DMTF1: variants seen among roughly 807,000 people sequenced by gnomAD.
DMTF1 encodes cyclin-D-binding Myb-like transcription factor 1.
DMTF1 carries 39 observed loss-of-function variants against 91.1 expected under a neutral mutation model. The observed-to-expected ratio is 0.43, with a 90% CI of 0.33 to 0.56. DMTF1 has a LOEUF of 0.56. Ranked by LOEUF, DMTF1 falls within the 20% of genes least tolerant of loss-of-function variation. DMTF1 has a pLI of 0.05. For synonymous variants in DMTF1, 338 were observed against 309.5 expected (o/e 1.09, Z -0.97); for missense variants, 750 against 914.5 (o/e 0.82, Z 2.32).
chr7:87,153,627 C>T (rs142592696), intron 1 of DMTF1, among the ~76,000 whole-genome samples: 25 of 152,214 alleles, frequency 1.6e-4, no homozygotes, highest in African/African-American at 4.3e-4. Context: ...TCTTTGTGTA[C>T]CTCTTTTTAA....
At chr7:87,161,562 A>C (rs1427164225) in intron 1 of DMTF1, among the ~76,000 whole-genome samples, 4 of 152,194 alleles carry the variant, frequency 2.6e-5, no homozygotes, top group Non-Finnish European at 5.9e-5. Flanking sequence ...CAGTACCTGC[A>C]TATAGTAGAG....
In DMTF1 at chr7:87,184,308, T is replaced by G; in HGVS notation, c.821-89T>G. 4.1e-6 allele frequency: 5 copies of G among 1,216,502 alleles called. 1 individual carries two copies. In the South Asian group the frequency reaches 6.9e-5, roughly 17 times the overall value. The allele number at this position is 1,216,502 out of a possible 1,614,324, so 75.4% of individuals were successfully genotyped here. A position where few individuals can be genotyped will look rare whatever the true frequency, so the allele number is the denominator to read the frequency against. On this transcript the variant is annotated intron_variant, in intron 10 of 17. Coordinates refer to ENST00000331242, the MANE Select transcript of DMTF1 (RefSeq NM_001142327.2). Reference sequence around the variant, plus strand: ...GAAACAAACTCTTAGTACTATTGCTTACTTCCTATCAGTCCTTGTAAATAG... The same window carrying G: ...GAAACAAACTCTTAGTACTATTGCTGACTTCCTATCAGTCCTTGTAAATAG...
chr7:87,195,599 A>ACT lies in DMTF1; in HGVS notation c.*460_*461dup, dbSNP rs1479148650. 6.5e-6 allele frequency: 1 copy of ACT among 153,696 alleles called. No homozygotes were observed. Among genetic ancestry groups the ACT allele is most frequent in the East Asian group, 1.9e-4 (1 of 5,214 alleles). The allele number at this position is 153,696 out of a possible 1,614,324, so 9.5% of individuals were successfully genotyped here. ...CAGTGATCTTCTGATCTTCAAGAAG[A>ACT]CTAAGTTTGAGACTTGACCAGCATA... On this transcript the variant is annotated 3_prime_UTR_variant, in exon 18 of 18. Coordinates refer to ENST00000331242, the MANE Select transcript of DMTF1 (RefSeq NM_001142327.2).
At chr7:87,181,459 A>G in intron 9 of DMTF1, 118 bp downstream of exon 9, 3 of 515,004 alleles carry the variant, frequency 5.8e-6, no homozygotes, top group Admixed American at 3.3e-5. Context: ...TTGTGCTATT[A>G]AGCATGATTG....
intron 1 of DMTF1, chr7:87,154,421 G>A (rs1790143312): frequency 6.6e-6 from 1 of 152,408 alleles, no homozygotes; most frequent in Non-Finnish European, 1.5e-5. Flanking sequence ...ATGCTTTTGG[G>A]GACTGATTTA....
intron 1 of DMTF1, among the ~76,000 whole-genome samples, chr7:87,159,762 A>T (rs1791762273): frequency 2.0e-5 from 3 of 152,252 alleles, no homozygotes; most frequent in African/African-American, 7.2e-5. Flanking sequence ...TGTGAGCATC[A>T]TAGAAAATAC....
At chr7:87,174,708 T>C in intron 7 of DMTF1, 39 bp downstream of exon 7, 1 of 1,445,308 alleles carries the variant, frequency 6.9e-7, no homozygotes, top group Non-Finnish European at 9.7e-7. Context: ...CCAATTTGTT[T>C]ATTGCCAATT....
At chr7:87,163,889 G>A (rs958748952) in intron 2 of DMTF1, among the ~76,000 whole-genome samples, 3 of 151,780 alleles carry the variant, frequency 2.0e-5, no homozygotes, top group African/African-American at 4.8e-5. Flanking sequence ...GTGTATAGGA[G>A]CCAGAGAGAG....
chr7:87,184,063 A>G (rs1797922845), intron 10 of DMTF1, among the ~76,000 whole-genome samples: 1 of 152,210 alleles, frequency 6.6e-6, no homozygotes, highest in Non-Finnish European at 1.5e-5. Flanking sequence ...TCTGTCAGCC[A>G]TTGACGAAGC....
At chr7:87,194,403 TTG>T (rs1470453683) in intron 16 of DMTF1, 3 of 481,158 alleles carry the variant, frequency 6.2e-6, no homozygotes, top group African/African-American at 6.0e-5. Context: ...TTAGTAATCT[TTG>T]TGGTTCAGCC....
At chr7:87,163,244 G>A (rs1262362727) in intron 1 of DMTF1, 4 of 145,384 alleles carry the variant, frequency 2.8e-5, no homozygotes, top group Non-Finnish European at 6.0e-5. Flanking sequence ...TTCAGAGAAC[G>A]TTTGTCTGCC....
chr7:87,167,682 A>G (rs1180229300), intron 4 of DMTF1, among the ~76,000 whole-genome samples: 2 of 152,222 alleles, frequency 1.3e-5, no homozygotes, highest in Non-Finnish European at 2.9e-5. Context: ...ACTTAATTGA[A>G]AAACAGTGTT....
At position 87,184,573 on chromosome 7, in the gene DMTF1, CAG is replaced by C; in HGVS notation, c.1000_1001del (p.Ser334TrpfsTer4). ...SKWLNYLNWK[Q>X]SGGTEWTKED... ...ATGGCTCAACTACCTGAATTGGAAACAGAGTGGGGGTACTGAATGGACCAAGG... is the reference window on the plus strand; with the variant it reads ...ATGGCTCAACTACCTGAATTGGAAACAGTGGGGGTACTGAATGGACCAAGG... On this transcript the variant is annotated frameshift_variant, in exon 11 of 18. Coordinates refer to ENST00000331242, the MANE Select transcript of DMTF1 (RefSeq NM_001142327.2). LOFTEE classifies it high-confidence loss of function. The C allele has an allele frequency of 6.2e-7, 1 of 1,613,904 alleles. No individual in the cohort carries two copies. Among genetic ancestry groups the C allele is most frequent in the Non-Finnish European group, 8.5e-7 (1 of 1,179,890 alleles).
At chr7:87,158,061 T>G (rs1791239958) in intron 1 of DMTF1, among the ~76,000 whole-genome samples, 1 of 152,064 alleles carries the variant, frequency 6.6e-6, no homozygotes, top group Admixed American at 6.5e-5. Context: ...ATCTAAGTAG[T>G]CATAAATAAA....
chr7:87,191,958 G>A (rs1187604195), intron 14 of DMTF1, among the ~76,000 whole-genome samples: 1 of 152,080 alleles, frequency 6.6e-6, no homozygotes, highest in African/African-American at 2.4e-5. Flanking sequence ...CCAAGAGGAT[G>A]GCCACCTTTG....
chr7:87,195,051 C>T lies in DMTF1; in HGVS notation c.2194C>T (p.Gln732Ter). ...TACAGATCCCATACTCCAACATCAT[C>T]AGGAAGAATCAAATATCATTGGATC... ...TLTDPILQHH[Q>*]EESNIIGSSL... The change falls in exon 18 of 18, where the codon CAG becomes TAG. Residue 732 changes from glutamine (Q) to a stop codon, truncating the protein, a stop_gained. Transcript: ENST00000331242. LOFTEE classifies it high-confidence loss of function. The T allele has an allele frequency of 6.2e-7, 1 of 1,611,776 alleles. No homozygotes were observed. The highest frequency in any genetic ancestry group is 8.5e-7 in the Non-Finnish European group (1 of 1,178,598).
chr7:87,184,966 C>T (rs530440940), intron 11 of DMTF1: 40 of 467,610 alleles, frequency 8.6e-5, no homozygotes, highest in African/African-American at 6.1e-4. Context: ...CTAGGGGGAA[C>T]ACGTTTAGGA....
intron 11 of DMTF1, 137 bp downstream of exon 11, chr7:87,184,762 T>G (rs974612213): frequency 1.3e-6 from 1 of 790,202 alleles, no homozygotes; most frequent in African/African-American, 1.7e-5. Context: ...GTTTAAGATC[T>G]TAAGTATTTC....
chr7:87,174,912 T>C (rs570941124), intron 7 of DMTF1, among the ~76,000 whole-genome samples: 50 of 152,334 alleles, frequency 3.3e-4, no homozygotes, highest in African/African-American at 1.1e-3. Flanking sequence ...AGATAAAATC[T>C]TAGTAGCCTC....
Sources: gnomAD v4.1 joint callset for allele counts (sites outside exome capture counted in the v4.1 genomes callset) on GRCh38, gnomAD v4.1.1 for gene constraint, MANE v1.5 for transcripts, NCBI Gene and HGNC (gene_info 2026-07-23, HGNC 2026-07-21) for gene names.